IL17RD: variants seen among roughly 807,000 people sequenced by gnomAD.
IL17RD encodes the protein interleukin 17 receptor D, also known as interleukin-17 receptor D.
Under a neutral mutation model 80.5 loss-of-function variants are expected in IL17RD, and 52 were observed. The observed-to-expected ratio is 0.65, with a 90% CI of 0.52 to 0.81. IL17RD has a LOEUF of 0.81. Among genes scored for constraint, IL17RD ranks in the 40% least tolerant of loss-of-function variants. The probability of loss-of-function intolerance (pLI) is 0.00; values close to 1 mark genes in which losing one functional copy is unlikely to be tolerated. For missense variants in IL17RD, 1,024 were observed against 955.1 expected (o/e 1.07, Z -0.95); for synonymous variants, 416 against 391.8 (o/e 1.06, Z -0.73).
chr3:57,114,548 C>T, intron 3 of IL17RD, 144 bp downstream of exon 3: 1 of 667,820 alleles, frequency 1.5e-6, no homozygotes, highest in Non-Finnish European at 2.4e-6. Flanking sequence ...CAAATATATG[C>T]AACAAAGTGT....
chr3:57,105,421 T>C (rs1234073063), intron 7 of IL17RD, among the ~76,000 whole-genome samples: 34 of 150,092 alleles, frequency 2.3e-4, no homozygotes, highest in Non-Finnish European at 7.4e-5. Context: ...CCTATAATCC[T>C]AGCTACTCCA....
chr3:57,113,306 C>T (rs902124457), intron 3 of IL17RD, among the ~76,000 whole-genome samples: 2 of 152,136 alleles, frequency 1.3e-5, no homozygotes, highest in Non-Finnish European at 1.5e-5. Flanking sequence ...GGTGCGATCT[C>T]GGCTCACCGC....
intron 1 of IL17RD, chr3:57,134,564 C>A: frequency 7.3e-7 from 1 of 1,376,142 alleles, no homozygotes. Context: ...AACACATCCT[C>A]AAGCTGAAGG....
chr3:57,134,411 C>T (rs1004350519), intron 1 of IL17RD: 9 of 723,166 alleles, frequency 1.2e-5, no homozygotes, highest in East Asian at 2.6e-5. Context: ...TGCCAGGGAA[C>T]GTAACTTGGA....
At chr3:57,107,105 G>T (rs1033489500) in intron 5 of IL17RD, among the ~76,000 whole-genome samples, 1 of 152,176 alleles carries the variant, frequency 6.6e-6, no homozygotes, top group African/African-American at 2.4e-5. Flanking sequence ...AGGGCCGGGC[G>T]CGGTGGCTCA....
At chr3:57,168,873 T>G (rs1309808659), upstream of IL17RD, among the ~76,000 whole-genome samples, 1 of 152,198 alleles carries the variant, frequency 6.6e-6, no homozygotes, top group African/African-American at 2.4e-5. Context: ...CCTGCCACCA[T>G]GCCTGGCTAA....
intron 1 of IL17RD, among the ~76,000 whole-genome samples, chr3:57,124,032 C>A (rs1004043976): frequency 3.3e-5 from 5 of 152,094 alleles, no homozygotes; most frequent in African/African-American, 1.2e-4. Flanking sequence ...GTGACAAGAA[C>A]AAAACTCCAT....
Position 57,165,299 on chromosome 3 carries a change from G to T in IL17RD, c.-13C>A. 7.0e-7 allele frequency: 1 copy of T among 1,421,196 alleles called. No homozygotes were observed. The highest frequency in any genetic ancestry group is 9.2e-7 in the Non-Finnish European group (1 of 1,082,442). 88.0% of individuals were successfully genotyped at this position (1,421,196 alleles called of 1,614,324 possible). Reference sequence around the variant, plus strand: ...GCCACGGGGCCATGGCCGTGCGCTCGCCCAGCCAGGCCGTTCTCTGCGCCC... The same window carrying T: ...GCCACGGGGCCATGGCCGTGCGCTCTCCCAGCCAGGCCGTTCTCTGCGCCC... On this transcript the variant is annotated 5_prime_UTR_variant, in exon 1 of 13. Coordinates refer to ENST00000296318, the MANE Select transcript of IL17RD (RefSeq NM_017563.5).
At chr3:57,146,595 A>G (rs1470888423) in intron 1 of IL17RD, among the ~76,000 whole-genome samples, 1 of 151,828 alleles carries the variant, frequency 6.6e-6, no homozygotes, top group Non-Finnish European at 1.5e-5. Flanking sequence ...TACTAAAAAT[A>G]CAAAATTAGC....
intron 10 of IL17RD, 54 bp downstream of exon 10, chr3:57,102,425 A>G: frequency 1.0e-6 from 1 of 982,538 alleles, no homozygotes; most frequent in Non-Finnish European, 1.5e-6. Flanking sequence ...TTCTCTTGGC[A>G]GCACCCCCTG....
intron 1 of IL17RD, among the ~76,000 whole-genome samples, chr3:57,151,868 A>G (rs886931521): frequency 6.6e-6 from 1 of 152,202 alleles, no homozygotes; most frequent in East Asian, 1.9e-4. Context: ...CTCAAAACAA[A>G]CAAACAAACA....
intron 1 of IL17RD, among the ~76,000 whole-genome samples, chr3:57,154,735 C>T (rs967636148): frequency 3.3e-5 from 5 of 152,116 alleles, no homozygotes; most frequent in African/African-American, 1.2e-4. Flanking sequence ...AGCAGTCTTC[C>T]GCCAGCACAA....
rs1201882283 is a variant in IL17RD at position 57,098,178 on chromosome 3, A to T, written c.1525T>A (p.Ser509Thr). The T allele has an allele frequency of 1.2e-6, 2 of 1,613,838 alleles. No homozygotes were observed. Among genetic ancestry groups the T allele is most frequent in the African/African-American group, 1.3e-5 (1 of 74,982 alleles). ...RLMDNLPQLC[S>T]HLHSRDHGLQ... ...CCGTGGTCTCGGGAGTGCAAGTGGG[A>T]ACAGAGCTGAGGAAGATTGTCCATG... is the stretch of plus-strand genomic sequence containing the variant. Residue 509 changes from serine (S) to threonine (T), a missense_variant, in exon 12 of 13, where the codon TCC becomes ACC. By Grantham distance (58) the Ser-to-Thr change is moderately conservative. Coordinates refer to ENST00000296318, the MANE Select transcript of IL17RD (RefSeq NM_017563.5).
At chr3:57,107,094 G>A (rs545625647) in intron 5 of IL17RD, among the ~76,000 whole-genome samples, 1 of 152,144 alleles carries the variant, frequency 6.6e-6, no homozygotes, top group African/African-American at 2.4e-5. Context: ...TAAGAATTAT[G>A]AGGGCCGGGC....
At chr3:57,160,848 C>T (rs912890943) in intron 1 of IL17RD, among the ~76,000 whole-genome samples, 6 of 152,226 alleles carry the variant, frequency 3.9e-5, no homozygotes, top group African/African-American at 1.4e-4. Flanking sequence ...CTCACTCTCA[C>T]TCTGATCCCA....
intron 1 of IL17RD, chr3:57,134,100 G>A (rs911751405): frequency 9.8e-6 from 5 of 510,260 alleles, no homozygotes; most frequent in African/African-American, 3.8e-5. Context: ...ACTAAGAATC[G>A]GGGAGCTCAT....
intron 1 of IL17RD, among the ~76,000 whole-genome samples, chr3:57,143,469 G>C (rs1707869547): frequency 6.6e-6 from 1 of 152,196 alleles, no homozygotes; most frequent in South Asian, 2.1e-4. Flanking sequence ...CCTCCCTAGA[G>C]TGCAAGGAAC....
intron 11 of IL17RD, 69 bp downstream of exon 11, chr3:57,101,110 A>G (rs1279844248): frequency 7.7e-7 from 1 of 1,295,364 alleles, no homozygotes; most frequent in South Asian, 1.4e-5. Context: ...AGAGAGGAGA[A>G]GGCAGCGGGG....
intron 3 of IL17RD, among the ~76,000 whole-genome samples, chr3:57,111,456 G>A (rs868406273): frequency 1.3e-5 from 2 of 152,220 alleles, no homozygotes; most frequent in Non-Finnish European, 1.5e-5. Flanking sequence ...AGCCAGCTGA[G>A]CAACCACCAG....
Sources: gnomAD v4.1 joint callset for allele counts (sites outside exome capture counted in the v4.1 genomes callset) on GRCh38, gnomAD v4.1.1 for gene constraint, MANE v1.5 for transcripts, NCBI Gene and HGNC (gene_info 2026-07-23, HGNC 2026-07-21) for gene names.